WDR64: variants seen among roughly 807,000 people sequenced by gnomAD.
The protein encoded by WDR64 is WD repeat-containing protein 64.
WDR64 carries 112 observed loss-of-function variants against 139.3 expected under a neutral mutation model. The ratio of observed to expected loss-of-function variants is 0.80; its 90% CI spans 0.69 to 0.94. The LOEUF is 0.94. Among genes scored for constraint, WDR64 ranks in the 40% least tolerant of loss-of-function variants. WDR64 has a pLI of 0.00. For synonymous variants in WDR64, 444 were observed against 437.7 expected (o/e 1.01, Z -0.18); for missense variants, 1,206 against 1,293.1 (o/e 0.93, Z 1.03).
At chr1:241,684,612 G>GT (rs948036192) in intron 7 of WDR64, among the ~76,000 whole-genome samples, 32 of 152,218 alleles carry the variant, frequency 2.1e-4, no homozygotes, top group African/African-American at 7.7e-4. Flanking sequence ...TCTCACATTA[G>GT]TTGGTGGTAA....
chr1:241,756,484 T>C (rs1484845059), intron 14 of WDR64, among the ~76,000 whole-genome samples: 1 of 152,188 alleles, frequency 6.6e-6, no homozygotes. Context: ...AAATATAGAA[T>C]CGTGTCATCT....
chr1:241,672,326 C>T (rs1666265173), intron 3 of WDR64, among the ~76,000 whole-genome samples: 1 of 152,296 alleles, frequency 6.6e-6, no homozygotes, highest in South Asian at 2.1e-4. Context: ...AACACACACA[C>T]ACACACAGAC....
intron 4 of WDR64, among the ~76,000 whole-genome samples, chr1:241,675,053 T>C: frequency 1.2e-5 from 1 of 86,526 alleles, no homozygotes; most frequent in Non-Finnish European, 2.3e-5. Context: ...TTTCCTTCCT[T>C]TTCTCCCTTC....
intron 26 of WDR64, among the ~76,000 whole-genome samples, chr1:241,795,650 G>A (rs866588784): frequency 1.7e-4 from 26 of 151,764 alleles, no homozygotes; most frequent in African/African-American, 5.3e-4. Flanking sequence ...ATTACTTTCC[G>A]TGCCCTAAGC....
intron 8 of WDR64, among the ~76,000 whole-genome samples, chr1:241,690,456 G>C (rs1212405993): frequency 6.6e-6 from 1 of 151,980 alleles, no homozygotes; most frequent in South Asian, 2.1e-4. Flanking sequence ...GGGCGACAGA[G>C]GGAGACTCTG....
Position 241,787,945 on chromosome 1 carries a change from T to C in WDR64, c.2802T>C (p.Asp934=), listed in dbSNP as rs571013351. Residue 934 remains aspartate (D), a synonymous_variant, in exon 24 of 28, where the codon GAT becomes GAC. Coordinates refer to ENST00000437684, the MANE Select transcript of WDR64 (RefSeq NM_001367482.1). The stretch of plus-strand genomic sequence containing the variant: ...CAAGAGATTTCATTTTGCCTTGTGA[T>C]GTTACTGAATATCCCATAGAAATAA... ...SQTRDFILPC[D]VTEYPIEIKE... 1.2e-6 allele frequency: 2 copies of C among 1,612,362 alleles called. No homozygotes were observed. The highest frequency in any genetic ancestry group is 2.7e-5 in the African/African-American group (2 of 74,938).
intron 15 of WDR64, among the ~76,000 whole-genome samples, chr1:241,764,272 T>G (rs1045211803): frequency 6.6e-6 from 1 of 152,194 alleles, no homozygotes; most frequent in Admixed American, 6.5e-5. Context: ...GCAGCTCATC[T>G]TTGATGCTGC....
Position 241,799,222 on chromosome 1 carries a change from AAT to A in WDR64, c.3193-1908_3193-1907del, listed in dbSNP as rs1553383539. ...CTCTCCAAAAAAAAAAAAAAAAAAA[AAT>A]ACAAAAATTAGCCGGGTGTGGTGGT... On this transcript the variant is annotated intron_variant, in intron 27 of 27. Transcript: ENST00000437684. Among the ~76,000 whole-genome samples the A allele has an allele frequency of 3.0e-5, 4 of 135,072 alleles. 1 individual carries two copies. The highest frequency in any genetic ancestry group is 1.1e-4 in the African/African-American group (4 of 37,600). The allele number at this position is 135,072 out of a possible 152,430, so 88.6% of individuals were successfully genotyped here.
At chr1:241,774,952 A>G (rs922678011) in intron 20 of WDR64, among the ~76,000 whole-genome samples, 153 bp from the exon 21 acceptor site, 1 of 152,304 alleles carries the variant, frequency 6.6e-6, no homozygotes, top group Non-Finnish European at 1.5e-5. Flanking sequence ...GGATAGTTTA[A>G]AATTATTTTC....
intron 1 of WDR64, 43 bp from the exon 2 acceptor site, chr1:241,660,487 C>T: frequency 6.5e-7 from 1 of 1,537,442 alleles, no homozygotes; most frequent in Non-Finnish European, 8.8e-7. Flanking sequence ...AAAAGGTAGT[C>T]CTTGGAATTT....
At chr1:241,790,810 T>C (rs1057197930) in intron 25 of WDR64, 114 bp downstream of exon 25, 3 of 790,328 alleles carry the variant, frequency 3.8e-6, no homozygotes, top group South Asian at 1.9e-5. Flanking sequence ...TTATTGATGG[T>C]ATTACAAATT....
intron 2 of WDR64, among the ~76,000 whole-genome samples, chr1:241,662,188 C>T (rs982012360): frequency 2.6e-5 from 4 of 152,172 alleles, no homozygotes; most frequent in Admixed American, 2.0e-4. Context: ...ACTAAATTAT[C>T]ATAAATTTAG....
chr1:241,750,782 C>T (rs1171994316), intron 14 of WDR64, among the ~76,000 whole-genome samples: 1 of 152,130 alleles, frequency 6.6e-6, no homozygotes, highest in Non-Finnish European at 1.5e-5. Context: ...GAAAACCTCT[C>T]TTATTTATAT....
chr1:241,664,030 T>A lies in WDR64; in HGVS notation c.276+3370T>A, dbSNP rs530823486. ...TAGCCACCCAAAGATTTTTGAGAAA[T>A]CAAATGAAGGGTGAAACAGTCAGCT... On this transcript the variant is annotated intron_variant, in intron 2 of 27. Transcript: ENST00000437684. 1.7e-3 allele frequency among the ~76,000 whole-genome samples: 266 copies of A among 152,300 alleles called. 2 individuals carry two copies. The highest frequency in any genetic ancestry group is 6.3e-3 in the African/African-American group (261 of 41,580).
intron 24 of WDR64, among the ~76,000 whole-genome samples, chr1:241,790,294 T>C (rs903130637): frequency 1.3e-5 from 2 of 152,144 alleles, no homozygotes; most frequent in African/African-American, 4.8e-5. Context: ...GAGGTTGCAG[T>C]GAGCCGAGAT....
At chr1:241,705,640 G>A (rs572953223) in intron 8 of WDR64, among the ~76,000 whole-genome samples, 16 of 151,568 alleles carry the variant, frequency 1.1e-4, no homozygotes, top group Non-Finnish European at 2.2e-4. Flanking sequence ...TGGACTGGAG[G>A]GCAGGGGCAT....
chr1:241,797,305 C>T (rs1374597224), intron 27 of WDR64, among the ~76,000 whole-genome samples: 1 of 152,158 alleles, frequency 6.6e-6, no homozygotes, highest in Non-Finnish European at 1.5e-5. Flanking sequence ...TTCAATGAAA[C>T]CATGATAGCC....
At chr1:241,680,165 G>T (rs1446263190) in intron 6 of WDR64, among the ~76,000 whole-genome samples, 1 of 152,134 alleles carries the variant, frequency 6.6e-6, no homozygotes, top group Non-Finnish European at 1.5e-5. Flanking sequence ...AAATTATATG[G>T]TGCAACGGGG....
chr1:241,700,168 C>A (rs1421823582), intron 8 of WDR64, among the ~76,000 whole-genome samples: 1 of 139,510 alleles, frequency 7.2e-6, no homozygotes, highest in Non-Finnish European at 1.6e-5. Context: ...GAATCTGTTT[C>A]TTTTTTTTTT....
Sources: gnomAD v4.1 joint callset for allele counts (sites outside exome capture counted in the v4.1 genomes callset) on GRCh38, gnomAD v4.1.1 for gene constraint, MANE v1.5 for transcripts, NCBI Gene and HGNC (gene_info 2026-07-23, HGNC 2026-07-21) for gene names.